The following TIAM1 variants were observed in gnomAD, a reference collection of about 807,000 sequenced individuals.
TIAM1 encodes the protein TIAM Rac1 associated GEF 1, also known as rho guanine nucleotide exchange factor TIAM1.
A neutral mutation model predicts 163.5 loss-of-function variants in TIAM1; 65 were observed. The observed-to-expected ratio is 0.40, with a 90% confidence interval of 0.33 to 0.49. TIAM1 has a LOEUF of 0.49. Ranked by LOEUF, TIAM1 falls within the 20% of genes least tolerant of loss-of-function variation. TIAM1 has a pLI of 0.77. For missense variants in TIAM1, 1,789 were observed against 2,044.7 expected, an observed-to-expected ratio of 0.87 and a Z score of 2.41; for synonymous variants, 833 against 810.1, an observed-to-expected ratio of 1.03 and a Z score of -0.48.
chr21:31,350,408 A>G (rs2076215885), intron 2 of TIAM1, among the ~76,000 whole-genome samples: 1 of 152,106 alleles, frequency 6.6e-6, no homozygotes, highest in Non-Finnish European at 1.5e-5. Context: ...TAAGAAGGTG[A>G]TATAGTTTGG....
At chr21:31,131,651 C>T (rs567247438) in intron 23 of TIAM1, among the ~76,000 whole-genome samples, 23 of 152,280 alleles carry the variant, frequency 1.5e-4, no homozygotes, top group African/African-American at 5.5e-4. Flanking sequence ...AGAGTTGGCA[C>T]CCAGAAGGAA....
At position 31,248,312 on chromosome 21, in the gene TIAM1, AACTGTT is replaced by A. The variant is rs1444769505; in HGVS notation, c.1412-2658_1412-2653del. Reference sequence around the variant, plus strand: ...TGAATGTTGTATGGTCCCATCAGGTAACTGTTTGTATAATTTTTCAACTTTGATTTA... The same window carrying A: ...TGAATGTTGTATGGTCCCATCAGGTATGTATAATTTTTCAACTTTGATTTA... On this transcript the variant is annotated intron_variant, in intron 5 of 27. Coordinates refer to ENST00000541036, the MANE Select transcript of TIAM1 (RefSeq NM_001353694.2). 4.6e-5 allele frequency among the ~76,000 whole-genome samples: 7 copies of A among 152,336 alleles called. No homozygotes were observed. The South Asian group carries it at 1.5e-3, about 32-fold the overall frequency.
In TIAM1 at chr21:31,290,646, CAAAAAAAAAAAAAAAA is replaced by C. The variant is rs200030849; in HGVS notation, c.-188-13754_-188-13739del. ...CCGGTAACAGAGCAAGACTCTATCT[CAAAAAAAAAAAAAAAA>C]AAAAAAAAAAAAAAAATTAGCAACA... On this transcript the variant is annotated intron_variant, in intron 2 of 27. Coordinates refer to ENST00000541036, the MANE Select transcript of TIAM1 (RefSeq NM_001353694.2). Among the ~76,000 whole-genome samples, 133 of 63,212 alleles carry C rather than the reference CAAAAAAAAAAAAAAAA, an allele frequency of 2.1e-3. 1 individual carries two copies. The highest frequency in any genetic ancestry group is 7.6e-3 in the African/African-American group (110 of 14,408). 41.5% of individuals were successfully genotyped at this position (63,212 alleles called of 152,430 possible).
chr21:31,191,162 TTTTC>T (rs2085542213), intron 13 of TIAM1, among the ~76,000 whole-genome samples: 2 of 151,872 alleles, frequency 1.3e-5, no homozygotes, highest in African/African-American at 4.8e-5. Context: ...CAGGCTTTTC[TTTTC>T]TTTTTTTTTT....
chr21:31,162,947 A>G (rs2084002980), intron 16 of TIAM1, among the ~76,000 whole-genome samples: 2 of 152,128 alleles, frequency 1.3e-5, no homozygotes, highest in Non-Finnish European at 2.9e-5. Flanking sequence ...GACACATGGG[A>G]CCAGTCAGCA....
chr21:31,349,840 ACC>A, intron 2 of TIAM1, among the ~76,000 whole-genome samples: 1 of 152,280 alleles, frequency 6.6e-6, no homozygotes, highest in East Asian at 1.9e-4. Context: ...CCCTCTGCCT[ACC>A]CTTCGGTAAA....
At chr21:31,163,466 C>A (rs1322491046) in intron 16 of TIAM1, among the ~76,000 whole-genome samples, 4 of 152,092 alleles carry the variant, frequency 2.6e-5, no homozygotes, top group African/African-American at 9.7e-5. Flanking sequence ...CAACATAATG[C>A]CTTTCAGTCT....
chr21:31,469,559 T>G (rs1275438223), intron 1 of TIAM1, among the ~76,000 whole-genome samples: 6 of 152,252 alleles, frequency 3.9e-5, no homozygotes, highest in African/African-American at 1.2e-4. Context: ...CCAGGCACGG[T>G]GGCTCACGCC....
chr21:31,173,552 GA>G (rs1224807229), intron 15 of TIAM1, among the ~76,000 whole-genome samples: 51 of 146,494 alleles, frequency 3.5e-4, no homozygotes, highest in Admixed American at 1.4e-3. Context: ...GAGAGAGAGA[GA>G]AAAGAAAAGA....
In TIAM1 at chr21:31,206,777, CAT is replaced by C. The variant is rs141465101; in HGVS notation, c.2388+3266_2388+3267del. ...AGTTTGCACCAATTAAAATAGATAACATGTCTCAGAATTTACTGCCTTAGAGC... is the reference window on the plus strand; with the variant it reads ...AGTTTGCACCAATTAAAATAGATAACGTCTCAGAATTTACTGCCTTAGAGC... On this transcript the variant is annotated intron_variant, in intron 11 of 27. Coordinates refer to ENST00000541036, the MANE Select transcript of TIAM1 (RefSeq NM_001353694.2). Among the ~76,000 whole-genome samples the C allele has an allele frequency of 3.6e-3, 549 of 152,220 alleles. 29 individuals are homozygous for C. The East Asian group carries it at 0.085, about 24-fold the overall frequency.
At chr21:31,338,501 G>A (rs2075919268) in intron 2 of TIAM1, among the ~76,000 whole-genome samples, 1 of 152,172 alleles carries the variant, frequency 6.6e-6, no homozygotes, top group Non-Finnish European at 1.5e-5. Context: ...GCCCCTTTTG[G>A]TCTACGTCAT....
At chr21:31,124,319 G>C (rs1367528126) in intron 27 of TIAM1, 1 of 540,000 alleles carries the variant, frequency 1.9e-6, no homozygotes. Flanking sequence ...AGGACAAGAG[G>C]AATGTAGATA....
intron 1 of TIAM1, among the ~76,000 whole-genome samples, chr21:31,552,732 T>C (rs1465725182): frequency 6.6e-6 from 1 of 152,056 alleles, no homozygotes; most frequent in Non-Finnish European, 1.5e-5. Context: ...ATTGTGCCAC[T>C]GCACTCCAGC....
intron 4 of TIAM1, among the ~76,000 whole-genome samples, chr21:31,264,506 T>A (rs374920080): frequency 1.3e-5 from 2 of 152,144 alleles, no homozygotes; most frequent in Non-Finnish European, 2.9e-5. Flanking sequence ...TTACCCCCAT[T>A]TGACAGATGA....
At chr21:31,483,665 C>T (rs2046184426) in intron 1 of TIAM1, among the ~76,000 whole-genome samples, 1 of 152,058 alleles carries the variant, frequency 6.6e-6, no homozygotes, top group East Asian at 1.9e-4. Context: ...AAAAATGAGA[C>T]ACTATCATCA....
chr21:31,147,443 C>T (rs1457232326), intron 19 of TIAM1, among the ~76,000 whole-genome samples: 1 of 151,794 alleles, frequency 6.6e-6, no homozygotes, highest in Non-Finnish European at 1.5e-5. Flanking sequence ...ATCTTCATGC[C>T]TTCCAAAACC....
intron 6 of TIAM1, among the ~76,000 whole-genome samples, chr21:31,240,268 G>A (rs763346121): frequency 6.6e-6 from 1 of 152,136 alleles, no homozygotes; most frequent in Non-Finnish European, 1.5e-5. Flanking sequence ...CTTCACAAAA[G>A]CAACACGAAC....
At chr21:31,254,496 C>A (rs894623705) in intron 4 of TIAM1, among the ~76,000 whole-genome samples, 5 of 152,150 alleles carry the variant, frequency 3.3e-5, no homozygotes, top group African/African-American at 4.8e-5. Flanking sequence ...GAGTTTGAGA[C>A]CAGCCTGGGC....
chr21:31,533,397 A>G (rs1263559272), intron 1 of TIAM1, among the ~76,000 whole-genome samples: 1 of 152,122 alleles, frequency 6.6e-6, no homozygotes, highest in Non-Finnish European at 1.5e-5. Context: ...GAATTTCATA[A>G]CCTATTTTAT....
Sources: gnomAD v4.1 joint callset for allele counts (sites outside exome capture counted in the v4.1 genomes callset) on GRCh38, gnomAD v4.1.1 for gene constraint, MANE v1.5 for transcripts, NCBI Gene and HGNC (gene_info 2026-07-23, HGNC 2026-07-21) for gene names.